Variants in FASTKD1 observed in about 807,000 individuals in gnomAD.
FASTKD1 encodes the protein FAST kinase domains 1, also known as FAST kinase domain-containing protein 1, mitochondrial.
A neutral mutation model predicts 90.9 loss-of-function variants in FASTKD1; 94 were observed. That is an observed-to-expected ratio of 1.03 (90% CI 0.88 to 1.23). FASTKD1 has a LOEUF of 1.23. Among genes scored for constraint, FASTKD1 ranks in the 50% most tolerant of loss-of-function variants. The pLI is 0.00. For missense variants in FASTKD1, 945 were observed against 993.5 expected (o/e 0.95, Z 0.66); for synonymous variants, 319 against 345.8 (o/e 0.92, Z 0.86).
chr2:169,532,703 AAAG>A (rs1559137070), intron 12 of FASTKD1, among the ~76,000 whole-genome samples: 3 of 152,204 alleles, frequency 2.0e-5, no homozygotes, highest in Non-Finnish European at 4.4e-5. Flanking sequence ...TAAGTTAAAA[AAAG>A]AAGTAGGAAA....
At chr2:169,559,827 G>A (rs1375169269) in intron 5 of FASTKD1, among the ~76,000 whole-genome samples, 1 of 152,138 alleles carries the variant, frequency 6.6e-6, no homozygotes, top group Non-Finnish European at 1.5e-5. Context: ...AACCGTATTT[G>A]TATGTTAATT....
At chr2:169,570,143 T>G (rs1684167447) in intron 2 of FASTKD1, among the ~76,000 whole-genome samples, 1 of 152,170 alleles carries the variant, frequency 6.6e-6, no homozygotes, top group African/African-American at 2.4e-5. Flanking sequence ...GCCATTTAAA[T>G]AACCCCTGAA....
chr2:169,568,983 A>G (rs1684114891), intron 3 of FASTKD1, among the ~76,000 whole-genome samples: 1 of 148,488 alleles, frequency 6.7e-6, no homozygotes, highest in African/African-American at 2.5e-5. Flanking sequence ...TGGGCGACAG[A>G]GTGAGACTCC....
At chr2:169,531,549 T>C in intron 12 of FASTKD1, 59 bp from the exon 13 acceptor site, 2 of 1,363,440 alleles carry the variant, frequency 1.5e-6, no homozygotes, top group Admixed American at 4.6e-5. Context: ...GATAAAAGTT[T>C]AAGATATATT....
chr2:169,560,666 G>A lies in FASTKD1; in HGVS notation c.692C>T (p.Ala231Val). 6.2e-7 allele frequency: 1 copy of A among 1,612,694 alleles called. No homozygotes were observed. Among genetic ancestry groups the A allele is most frequent in the South Asian group, 1.1e-5 (1 of 90,672 alleles). Reference sequence around the variant, plus strand: ...TCGAAGAAACTTTGCTATGCTTTTTGCAACGTTGACCTCAGAAGAATCTAT... The same window carrying A: ...TCGAAGAAACTTTGCTATGCTTTTTACAACGTTGACCTCAGAAGAATCTAT... ...DTIDSSEVNV[A>V]KSIAKFLRNV... Residue 231 changes from alanine (A) to valine (V), a missense_variant, in exon 5 of 15, where the codon GCA (alanine) becomes GTA (valine). By Grantham distance (64) the Ala-to-Val change is moderately conservative. Coordinates refer to ENST00000453153, the MANE Select transcript of FASTKD1 (RefSeq NM_024622.6).
rs189712078 is a variant in FASTKD1 at position 169,547,391 on chromosome 2, G to A, written c.1215-687C>T. ...ACAGGGTGTAGGGTGGGATCTCTCA[G>A]GGGAGCGTCTTAAGACCCACGATCA... On this transcript the variant is annotated intron_variant, in intron 7 of 14. Coordinates refer to ENST00000453153, the MANE Select transcript of FASTKD1 (RefSeq NM_024622.6). Among the ~76,000 whole-genome samples the A allele has an allele frequency of 8.2e-4, 125 of 152,232 alleles. 3 individuals are homozygous for A. The East Asian group carries it at 0.024, about 29-fold the overall frequency.
At chr2:169,554,228 T>C (rs927243249) in intron 7 of FASTKD1, among the ~76,000 whole-genome samples, 1 of 126,618 alleles carries the variant, frequency 7.9e-6, no homozygotes, top group African/African-American at 3.1e-5. Context: ...CCGTGAGCTA[T>C]GATTGCACCA....
At chr2:169,534,754 C>T (rs927887391) in intron 12 of FASTKD1, among the ~76,000 whole-genome samples, 13 of 151,982 alleles carry the variant, frequency 8.6e-5, no homozygotes, top group African/African-American at 1.7e-4. Flanking sequence ...CCACTGCGCC[C>T]GGCCAAATTT....
intron 6 of FASTKD1, 82 bp downstream of exon 6, chr2:169,557,105 G>T: frequency 1.2e-6 from 1 of 868,060 alleles, no homozygotes; most frequent in East Asian, 2.5e-5. Context: ...GTAGATTAAA[G>T]AAGAAAACCA....
chr2:169,562,050 A>T (rs955418963), intron 4 of FASTKD1, among the ~76,000 whole-genome samples: 1 of 129,738 alleles, frequency 7.7e-6, no homozygotes, highest in African/African-American at 2.9e-5. Flanking sequence ...TTGTAAATTA[A>T]TTATTTATTA....
chr2:169,532,862 G>C (rs1338882279), intron 12 of FASTKD1, among the ~76,000 whole-genome samples: 1 of 152,118 alleles, frequency 6.6e-6, no homozygotes, highest in East Asian at 1.9e-4. Context: ...TGAGGAATAG[G>C]TTCCACTGCC....
intron 12 of FASTKD1, among the ~76,000 whole-genome samples, chr2:169,533,679 C>A (rs16857020): frequency 0.091 from 13,754 of 151,958 alleles, 666 homozygotes; most frequent in South Asian, 0.21. Flanking sequence ...GATGGACATA[C>A]CAGCAAAAAA....
At chr2:169,532,677 A>T (rs899823294) in intron 12 of FASTKD1, among the ~76,000 whole-genome samples, 24 of 152,072 alleles carry the variant, frequency 1.6e-4, no homozygotes. Context: ...GAAAAAAAAA[A>T]CTTATTCTCA....
intron 14 of FASTKD1, 101 bp from the exon 15 acceptor site, chr2:169,530,027 A>G (rs370526327): frequency 2.1e-5 from 17 of 804,950 alleles, no homozygotes; most frequent in African/African-American, 1.4e-4. Flanking sequence ...TAGGAATCCT[A>G]TGAAATTAGT....
At chr2:169,555,748 A>G (rs1683269241) in intron 6 of FASTKD1, among the ~76,000 whole-genome samples, 1 of 152,244 alleles carries the variant, frequency 6.6e-6, no homozygotes, top group Non-Finnish European at 1.5e-5. Context: ...GTCATGAAAA[A>G]TTAGGCATGT....
In FASTKD1 at chr2:169,544,677, C is replaced by T. The variant is rs777880616; in HGVS notation, c.1816+44G>A. 8 of 1,053,066 alleles carry T rather than the reference C, an allele frequency of 7.6e-6. No homozygotes were observed. In the South Asian group the frequency reaches 1.0e-4, roughly 14 times the overall value. 65.2% of individuals were successfully genotyped at this position (1,053,066 alleles called of 1,614,324 possible). ...CTCCTAGCTCAGCAGCAACAAGTAT[C>T]CTCTGACTTATTCACTCAATGTATT... On this transcript the variant is annotated intron_variant, in intron 9 of 14. Coordinates refer to ENST00000453153, the MANE Select transcript of FASTKD1 (RefSeq NM_024622.6).
intron 13 of FASTKD1, 82 bp from the exon 14 acceptor site, chr2:169,530,783 A>G (rs1270456203): frequency 4.0e-6 from 3 of 752,306 alleles, no homozygotes; most frequent in Non-Finnish European, 6.7e-6. Context: ...ACAAGATTGC[A>G]TCTTTATAAA....
chr2:169,538,186 G>A, intron 10 of FASTKD1, 45 bp from the exon 11 acceptor site: 1 of 1,533,228 alleles, frequency 6.5e-7, no homozygotes, highest in Non-Finnish European at 8.8e-7. Flanking sequence ...CTGAGACCTA[G>A]GAAAGACAAC....
Position 169,571,683 on chromosome 2 carries a change from G to C in FASTKD1, c.347C>G (p.Thr116Ser), listed in dbSNP as rs1684237993. 6.2e-7 allele frequency: 1 copy of C among 1,607,994 alleles called. No homozygotes were observed. The highest frequency in any genetic ancestry group is 1.1e-5 in the South Asian group (1 of 90,778). ...TGTGACGTATAACACATTCACCAGG[G>C]TATCGTCATTCATTAATTTGAATTT... ...TNKFKLMNDDTLVNVLYVTQQ... is the reference protein window; with the variant it reads ...TNKFKLMNDDSLVNVLYVTQQ... Residue 116 changes from threonine to serine, a missense_variant, in exon 2 of 15, where the codon ACC becomes AGC. Coordinates refer to ENST00000453153, the MANE Select transcript of FASTKD1 (RefSeq NM_024622.6).
Sources: allele counts gnomAD v4.1 joint callset (sites outside exome capture counted in the v4.1 genomes callset), GRCh38; gene constraint gnomAD v4.1.1; transcripts MANE v1.5; gene names NCBI Gene and HGNC (gene_info 2026-07-23, HGNC 2026-07-21).